The following NRG1 variants were observed in gnomAD, a reference collection of about 807,000 sequenced individuals.
NRG1 encodes neuregulin 1.
Under a neutral mutation model 63.8 loss-of-function variants are expected in NRG1, and 18 were observed. That is an observed-to-expected ratio of 0.28 (90% CI 0.19 to 0.42). The LOEUF is 0.42. Ranked by LOEUF, NRG1 falls within the 10% of genes least tolerant of loss-of-function variation. The pLI is 1.00. For synonymous variants in NRG1, 302 were observed against 301.3 expected (o/e 1.00, Z -0.02); for missense variants, 762 against 814.7 (o/e 0.94, Z 0.79).
chr8:31,739,667 G>C (rs1001249077), intron 1 of NRG1, among the ~76,000 whole-genome samples: 3 of 152,022 alleles, frequency 2.0e-5, no homozygotes, highest in Non-Finnish European at 1.5e-5. Context: ...AATGACATTT[G>C]GGGGGAGCAT....
intron 5 of NRG1, among the ~76,000 whole-genome samples, chr8:32,617,853 C>A (rs991295381): frequency 6.6e-6 from 1 of 152,064 alleles, no homozygotes; most frequent in South Asian, 2.1e-4. Context: ...TTAAATAAAT[C>A]CTGTTTGATG....
chr8:32,094,687 G>A (rs562128683), intron 1 of NRG1, among the ~76,000 whole-genome samples: 1 of 152,198 alleles, frequency 6.6e-6, no homozygotes. Context: ...GAAAATTCAA[G>A]TCCATTGTTT....
At chr8:32,586,063 G>A (rs554346420) in intron 1 of NRG1, among the ~76,000 whole-genome samples, 3 of 151,984 alleles carry the variant, frequency 2.0e-5, no homozygotes, top group South Asian at 4.2e-4. Context: ...ACTTAAAAAC[G>A]TTAATGAGCA....
chr8:31,925,196 T>C (rs917342737), intron 1 of NRG1, among the ~76,000 whole-genome samples: 3 of 8,510 alleles, frequency 3.5e-4, no homozygotes, highest in Non-Finnish European at 1.2e-3. Flanking sequence ...TTTCCTCAGC[T>C]ACTGGGAGAG....
At chr8:31,732,349 A>C (rs780195347) in intron 1 of NRG1, among the ~76,000 whole-genome samples, 1 of 152,214 alleles carries the variant, frequency 6.6e-6, no homozygotes, top group Non-Finnish European at 1.5e-5. Flanking sequence ...GTATATATAC[A>C]GCTTCAATGC....
intron 1 of NRG1, among the ~76,000 whole-genome samples, chr8:31,766,366 G>A (rs1818060936): frequency 6.6e-6 from 1 of 152,120 alleles, no homozygotes; most frequent in African/African-American, 2.4e-5. Flanking sequence ...TAAAAAGCCT[G>A]CAATGAGAAA....
intron 1 of NRG1, among the ~76,000 whole-genome samples, chr8:32,075,747 A>T (rs1826406497): frequency 6.6e-6 from 1 of 151,420 alleles, no homozygotes; most frequent in Non-Finnish European, 1.5e-5. Context: ...ATCTCAGCTC[A>T]CTGCAACCTC....
At chr8:32,686,445 G>A (rs980287665) in intron 5 of NRG1, among the ~76,000 whole-genome samples, 2 of 152,170 alleles carry the variant, frequency 1.3e-5, no homozygotes, top group African/African-American at 4.8e-5. Flanking sequence ...TGAGATCTTT[G>A]GAGCTGTGCC....
At chr8:32,202,924 A>G (rs77627459) in intron 1 of NRG1, among the ~76,000 whole-genome samples, 1,801 of 151,668 alleles carry the variant, frequency 0.012, 41 homozygotes, top group African/African-American at 0.041. Flanking sequence ...GCCTGTTCTC[A>G]CTTAGGGCTG....
At chr8:32,449,464 G>A (rs1457961963) in intron 1 of NRG1, among the ~76,000 whole-genome samples, 1 of 150,972 alleles carries the variant, frequency 6.6e-6, no homozygotes, top group African/African-American at 2.4e-5. Flanking sequence ...CTCCAAAATT[G>A]CTGTTGCTCC....
chr8:32,607,988 C>T (rs72634862), intron 3 of NRG1, among the ~76,000 whole-genome samples: 6,017 of 151,752 alleles, frequency 0.04, 174 homozygotes, highest in Middle Eastern at 0.066. Context: ...TATCCAACCC[C>T]TTCATTGTAT....
chr8:32,462,840 G>A (rs376001319), intron 1 of NRG1, among the ~76,000 whole-genome samples: 58 of 152,038 alleles, frequency 3.8e-4, no homozygotes, highest in African/African-American at 1.3e-3. Flanking sequence ...CTGGCCTCAG[G>A]TGATCCGCCT....
intron 1 of NRG1, among the ~76,000 whole-genome samples, chr8:32,595,470 T>C (rs1843189415): frequency 6.6e-6 from 1 of 152,182 alleles, no homozygotes. Context: ...ATTACAGGCG[T>C]GAACCACCGT....
At chr8:31,817,960 C>G (rs1730270968) in intron 1 of NRG1, among the ~76,000 whole-genome samples, 1 of 152,140 alleles carries the variant, frequency 6.6e-6, no homozygotes, top group Admixed American at 6.5e-5. Flanking sequence ...GCAGACCCAC[C>G]TGATTCTTCT....
intron 1 of NRG1, among the ~76,000 whole-genome samples, chr8:32,474,097 A>T (rs907748909): frequency 1.3e-5 from 2 of 152,222 alleles, no homozygotes; most frequent in African/African-American, 2.4e-5. Context: ...ATAGTAATAT[A>T]TTCCCATATA....
chr8:32,470,046 T>TG (rs1554551535), intron 1 of NRG1, among the ~76,000 whole-genome samples: 1 of 150,294 alleles, frequency 6.7e-6, no homozygotes, highest in Non-Finnish European at 1.5e-5. Context: ...TTTTTTTTTT[T>TG]TTTTGTAGTA....
intron 1 of NRG1, among the ~76,000 whole-genome samples, chr8:31,956,232 G>A (rs113926542): frequency 4.6e-5 from 7 of 152,158 alleles, no homozygotes; most frequent in Non-Finnish European, 1.0e-4. Context: ...TAAAAAATGA[G>A]AGAGAAAGAG....
intron 1 of NRG1, among the ~76,000 whole-genome samples, chr8:31,696,491 A>G (rs1445930492): frequency 1.3e-5 from 2 of 152,244 alleles, no homozygotes; most frequent in African/African-American, 2.4e-5. Context: ...GACAAAGGTG[A>G]TAAGTACTTC....
intron 1 of NRG1, among the ~76,000 whole-genome samples, chr8:31,839,571 A>C (rs1050237732): frequency 5.3e-5 from 8 of 152,164 alleles, no homozygotes; most frequent in Non-Finnish European, 1.0e-4. Context: ...TTTTGTGCCC[A>C]AACTAGAAAA....
Sources: allele counts gnomAD v4.1 joint callset (sites outside exome capture counted in the v4.1 genomes callset), GRCh38; gene constraint gnomAD v4.1.1; transcripts MANE v1.5; gene names NCBI Gene and HGNC (gene_info 2026-07-23, HGNC 2026-07-21).